The following URB1 variants were observed in gnomAD, a reference collection of about 807,000 sequenced individuals.
URB1 encodes the protein nucleolar pre-ribosomal-associated protein 1.
URB1 carries 197 observed loss-of-function variants against 242.3 expected under a neutral mutation model. The ratio of observed to expected loss-of-function variants is 0.81; its 90% confidence interval spans 0.72 to 0.91. The LOEUF is 0.91. Among genes scored for constraint, URB1 ranks in the 40% least tolerant of loss-of-function variants. The pLI, the probability that URB1 is intolerant of heterozygous loss-of-function variation, is 0.00. For synonymous variants in URB1, 1,153 were observed against 1,201.8 expected (o/e 0.96, Z 0.84); for missense variants, 2,721 against 2,860.5 (o/e 0.95, Z 1.11).
In URB1 at chr21:32,311,181, T is replaced by C. The variant is rs1337842218; in HGVS notation, c.*3737A>G. The stretch of plus-strand genomic sequence containing the variant: ...CCCTTTATAAAACCATCAGATCTCA[T>C]GAGACTTACTATCACGAGAACAGCA... On this transcript the variant is annotated 3_prime_UTR_variant, in exon 39 of 39. Coordinates refer to ENST00000382751, the MANE Select transcript of URB1 (RefSeq NM_014825.3). The C allele has an allele frequency of 1.3e-5, 2 of 159,200 alleles. No individual in the cohort carries two copies. Among genetic ancestry groups the C allele is most frequent in the African/African-American group, 4.8e-5 (2 of 41,516 alleles). The allele number at this position is 159,200 out of a possible 1,614,324, so 9.9% of individuals were successfully genotyped here.
intron 19 of URB1, 132 bp downstream of exon 19, chr21:32,352,578 G>A (rs1448543054): frequency 9.9e-7 from 1 of 1,012,266 alleles, no homozygotes; most frequent in African/African-American, 1.6e-5. Context: ...TCTTATGCAG[G>A]GGACTTTAGG....
intron 5 of URB1, among the ~76,000 whole-genome samples, chr21:32,376,959 G>C (rs2033466283): frequency 6.6e-6 from 1 of 152,114 alleles, no homozygotes; most frequent in Admixed American, 6.6e-5. Context: ...ACGACGGCCA[G>C]CCTCCAGAGT....
At position 32,314,473 on chromosome 21, in the gene URB1, C is replaced by T; in HGVS notation, c.*445G>A. 3 of 1,375,066 alleles carry T rather than the reference C, an allele frequency of 2.2e-6. No individual in the cohort carries two copies. Among genetic ancestry groups the T allele is most frequent in the East Asian group, 4.6e-5 (2 of 43,434 alleles). The allele number at this position is 1,375,066 out of a possible 1,614,324, so 85.2% of individuals were successfully genotyped here. On this transcript the variant is annotated 3_prime_UTR_variant, in exon 39 of 39. Transcript: ENST00000382751. ...GTGCTGGGATTATAGGCGTGAGCCA[C>T]CTCACCTGCTGAAAAATAAACTTTA...
chr21:32,386,851 G>C (rs1203596881), intron 1 of URB1, among the ~76,000 whole-genome samples: 1 of 152,152 alleles, frequency 6.6e-6, no homozygotes, highest in Non-Finnish European at 1.5e-5. Context: ...ACACAGCTTA[G>C]GAGAGGTAGA....
chr21:32,333,426 G>T lies in URB1; in HGVS notation c.4858-7C>A. ...ATATCAGCTCCTGTGTGTCCTGAAA[G>T]AGCCAAAATCAACAAAAACGTGTGA... is the stretch of plus-strand genomic sequence containing the variant. On this transcript the variant is annotated splice_region_variant and splice_polypyrimidine_tract_variant and intron_variant, in intron 29 of 38. Transcript: ENST00000382751. 6.5e-7 allele frequency: 1 copy of T among 1,548,696 alleles called. No homozygotes were observed. Among genetic ancestry groups the T allele is most frequent in the Non-Finnish European group, 8.7e-7 (1 of 1,145,210 alleles).
chr21:32,352,574 G>A, intron 19 of URB1, 136 bp downstream of exon 19: 1 of 968,698 alleles, frequency 1.0e-6, no homozygotes. Context: ...CCTCTCTTAT[G>A]CAGGGGACTT....
chr21:32,373,536 G>A, intron 7 of URB1, 111 bp downstream of exon 7: 1 of 1,238,448 alleles, frequency 8.1e-7, no homozygotes, highest in Middle Eastern at 2.0e-4. Context: ...AAAAGAAACA[G>A]ATCAAATGAG....
rs115956779 is a variant in URB1 at position 32,352,319 on chromosome 21, T to C, written c.2613+391A>G. ...CCCTGCTGGAGGCCTTGAGGGGCCA[T>C]GTGTGACAGCTGAGCACAGTTTGTC... On this transcript the variant is annotated intron_variant, in intron 19 of 38. Transcript: ENST00000382751. 6.0e-3 allele frequency among the ~76,000 whole-genome samples: 913 copies of C among 152,290 alleles called. 9 individuals are homozygous for C. Among genetic ancestry groups the C allele is most frequent in the African/African-American group, 0.021 (886 of 41,556 alleles).
rs1317800794 is a variant in URB1 at position 32,347,731 on chromosome 21, G to C, written c.3093C>G (p.Leu1031=). ...GGACAGGGCTGAGCGTGTGCGGCGG[G>C]AGGGCCTGCTGCTCCAGGGCCAGGA... is the stretch of plus-strand genomic sequence containing the variant. ...GWFLALEQQA[L]PPHTLSPVLV... Residue 1031 remains leucine (L), a synonymous_variant, in exon 22 of 39, where the codon CTC becomes CTG. Transcript: ENST00000382751. 3 of 1,550,232 alleles carry C rather than the reference G, an allele frequency of 1.9e-6. No individual in the cohort carries two copies. Among genetic ancestry groups the C allele is most frequent in the East Asian group, 4.9e-5 (2 of 40,926 alleles).
In URB1 at chr21:32,319,337, G is replaced by A. The variant is rs561626019; in HGVS notation, c.5672C>T (p.Ala1891Val). 2 of 1,551,206 alleles carry A rather than the reference G, an allele frequency of 1.3e-6. No individual in the cohort carries two copies. The highest frequency in any genetic ancestry group is 1.4e-5 in the African/African-American group (1 of 73,150). The change falls in exon 36 of 39, where the codon GCA (alanine) becomes GTA (valine). Residue 1891 changes from alanine to valine, a missense_variant. Physicochemically the swap from Ala to Val is moderately conservative, Grantham distance 64 (BLOSUM62 0). Coordinates refer to ENST00000382751, the MANE Select transcript of URB1 (RefSeq NM_014825.3). ...TLWVTNLGDK[A>V]VEWESQRLCQ... ...AAGGCGCTGGCTCTCCCACTCCACT[G>A]CCTTGTCCCCCAGGTTGGTCACCCA...
intron 34 of URB1, among the ~76,000 whole-genome samples, 167 bp downstream of exon 34, chr21:32,321,634 G>A (rs2032767190): frequency 1.3e-5 from 2 of 152,184 alleles, no homozygotes; most frequent in South Asian, 2.1e-4. Flanking sequence ...TGCATGCAGG[G>A]AACAGGACAG....
chr21:32,344,585 T>A lies in URB1; in HGVS notation c.4242A>T (p.Arg1414Ser). ...AGACACTTACCAACAACGCATTTAA[T>A]CTAAGCAGCATTTCCTTCTCCTGAT... is the stretch of plus-strand genomic sequence containing the variant. ...TQNQEKEMLL[R>S]LNALLHALNE... Residue 1414 changes from arginine (R) to serine (S), a missense_variant, in exon 24 of 39, where the codon AGA (arginine) becomes AGT (serine). Transcript: ENST00000382751. 6.4e-7 allele frequency: 1 copy of A among 1,552,328 alleles called. No homozygotes were observed. The highest frequency in any genetic ancestry group is 8.7e-7 in the Non-Finnish European group (1 of 1,147,150).
chr21:32,384,927 G>A (rs990660428), intron 2 of URB1, among the ~76,000 whole-genome samples: 3 of 152,174 alleles, frequency 2.0e-5, no homozygotes, highest in African/African-American at 7.2e-5. Context: ...CTTGCAGTGA[G>A]CCGAGACTGC....
chr21:32,368,665 T>G, intron 8 of URB1, 67 bp from the exon 9 acceptor site: 1 of 1,364,390 alleles, frequency 7.3e-7, no homozygotes, highest in Admixed American at 2.4e-5. Context: ...GAGCTCATGG[T>G]GACGTGCAGC....
chr21:32,333,432 A>C lies in URB1; in HGVS notation c.4858-13T>G. On this transcript the variant is annotated splice_polypyrimidine_tract_variant and intron_variant, in intron 29 of 38. Coordinates refer to ENST00000382751, the MANE Select transcript of URB1 (RefSeq NM_014825.3). ...GCTCCTGTGTGTCCTGAAAGAGCCAAAATCAACAAAAACGTGTGATTCAAC... is the reference window on the plus strand; with the variant it reads ...GCTCCTGTGTGTCCTGAAAGAGCCACAATCAACAAAAACGTGTGATTCAAC... 6.5e-7 allele frequency: 1 copy of C among 1,545,098 alleles called. No homozygotes were observed. Among genetic ancestry groups the C allele is most frequent in the South Asian group, 1.2e-5 (1 of 83,476 alleles).
At chr21:32,354,766 G>A (rs1027491708) in intron 17 of URB1, 93 bp downstream of exon 17, 4 of 1,449,206 alleles carry the variant, frequency 2.8e-6, no homozygotes, top group Admixed American at 2.4e-5. Flanking sequence ...CTTGGCCTAG[G>A]GCATTAGTGC....
At chr21:32,388,960 G>A (rs992970434) in intron 1 of URB1, among the ~76,000 whole-genome samples, 6 of 152,114 alleles carry the variant, frequency 3.9e-5, no homozygotes, top group African/African-American at 1.4e-4. Context: ...CTACCCACAT[G>A]GTCCTTACAA....
intron 9 of URB1, among the ~76,000 whole-genome samples, chr21:32,367,438 G>A (rs539335940): frequency 1.3e-5 from 2 of 152,270 alleles, no homozygotes; most frequent in Non-Finnish European, 2.9e-5. Flanking sequence ...GAGACTGTGC[G>A]CATAGGCACT....
intron 35 of URB1, among the ~76,000 whole-genome samples, chr21:32,319,703 A>G (rs2032741597): frequency 6.6e-6 from 1 of 152,244 alleles, no homozygotes; most frequent in Non-Finnish European, 1.5e-5. Context: ...ACTATAAGCC[A>G]GGAACATTAG....
Sources: gnomAD v4.1 joint callset for allele counts (sites outside exome capture counted in the v4.1 genomes callset) on GRCh38, gnomAD v4.1.1 for gene constraint, MANE v1.5 for transcripts, NCBI Gene and HGNC (gene_info 2026-07-23, HGNC 2026-07-21) for gene names.